The following NRXN1 variants were observed in gnomAD, a reference collection of about 807,000 sequenced individuals.
NRXN1 encodes neurexin-1.
NRXN1 carries 39 observed loss-of-function variants against 150.9 expected under a neutral mutation model. The ratio of observed to expected loss-of-function variants is 0.26; its 90% CI spans 0.20 to 0.34. The LOEUF (loss-of-function observed/expected upper bound fraction) is 0.34. Ranked by LOEUF, NRXN1 falls within the 10% of genes least tolerant of loss-of-function variation. The probability of loss-of-function intolerance (pLI) is 1.00; values close to 1 mark genes in which losing one functional copy is unlikely to be tolerated. For synonymous variants in NRXN1, 924 were observed against 757.0 expected (o/e 1.22, Z -3.62); for missense variants, 1,815 against 1,949.9 (o/e 0.93, Z 1.30).
chr2:50,389,668 C>G (rs769320938), intron 17 of NRXN1, among the ~76,000 whole-genome samples: 4 of 152,164 alleles, frequency 2.6e-5, no homozygotes, highest in Admixed American at 6.6e-5. Context: ...GAAGCATCTT[C>G]GATAATTTTA....
At chr2:49,976,534 G>T (rs1009152260) in intron 21 of NRXN1, among the ~76,000 whole-genome samples, 1 of 152,130 alleles carries the variant, frequency 6.6e-6, no homozygotes, top group Non-Finnish European at 1.5e-5. Flanking sequence ...TGTAGGTTTA[G>T]AAGAGCATGA....
rs1434032040 is a variant in NRXN1 at position 50,306,908 on chromosome 2, T to C, written c.3365-69938A>G. ...AGTTTCCTGTATGATACTAACAATA[T>C]GCATGTCATATATTAAACAATATAT... On this transcript the variant is annotated intron_variant, in intron 17 of 22. Transcript: ENST00000401669. 2.6e-5 allele frequency among the ~76,000 whole-genome samples: 4 copies of C among 152,336 alleles called. No individual in the cohort carries two copies. In the East Asian group the frequency reaches 5.8e-4, roughly 22 times the overall value.
intron 2 of NRXN1, among the ~76,000 whole-genome samples, chr2:51,021,690 TAA>T (rs1669642792): frequency 6.6e-6 from 1 of 152,010 alleles, no homozygotes; most frequent in Admixed American, 6.6e-5. Context: ...CTTTAATGTA[TAA>T]GAGAGTCTCA....
intron 17 of NRXN1, among the ~76,000 whole-genome samples, chr2:50,354,510 T>C (rs886524156): frequency 1.5e-4 from 22 of 148,772 alleles, no homozygotes; most frequent in Admixed American, 1.2e-3. Flanking sequence ...AGAGTATATG[T>C]GTGTGTATCT....
At chr2:51,006,811 T>C (rs554901615) in intron 2 of NRXN1, among the ~76,000 whole-genome samples, 1 of 152,068 alleles carries the variant, frequency 6.6e-6, no homozygotes, top group East Asian at 2.0e-4. Context: ...CTTCTCCCTA[T>C]GTTCCCTTAG....
intron 18 of NRXN1, among the ~76,000 whole-genome samples, chr2:50,226,582 A>G (rs2064401071): frequency 6.6e-6 from 1 of 151,970 alleles, no homozygotes; most frequent in Non-Finnish European, 1.5e-5. Context: ...TGTGTGAGGT[A>G]GAATGTGGAG....
intron 8 of NRXN1, among the ~76,000 whole-genome samples, chr2:50,566,899 C>T (rs1218551243): frequency 6.6e-6 from 1 of 152,030 alleles, no homozygotes; most frequent in African/African-American, 2.4e-5. Flanking sequence ...TCATGCCTTT[C>T]GTGTATAGAA....
intron 19 of NRXN1, among the ~76,000 whole-genome samples, chr2:50,056,550 T>A (rs930964380): frequency 1.3e-5 from 2 of 152,192 alleles, no homozygotes; most frequent in African/African-American, 4.8e-5. Flanking sequence ...AATGTGGGAA[T>A]ATAGTTTTGT....
intron 5 of NRXN1, among the ~76,000 whole-genome samples, chr2:50,811,087 A>G (rs1033303273): frequency 2.2e-4 from 33 of 152,224 alleles, no homozygotes; most frequent in African/African-American, 7.7e-4. Context: ...TTTTACATAT[A>G]TAATGATCAC....
chr2:50,458,052 A>G (rs1165187389), intron 17 of NRXN1, among the ~76,000 whole-genome samples: 2 of 152,170 alleles, frequency 1.3e-5, no homozygotes, highest in African/African-American at 2.4e-5. Flanking sequence ...CTGCAGCACT[A>G]TTCACAATAA....
At chr2:50,824,132 T>G (rs184564419) in intron 5 of NRXN1, among the ~76,000 whole-genome samples, 6 of 151,912 alleles carry the variant, frequency 3.9e-5, no homozygotes, top group Admixed American at 6.6e-5. Context: ...CCAAACTACA[T>G]TTTTTTCACA....
intron 17 of NRXN1, among the ~76,000 whole-genome samples, chr2:50,458,820 T>G (rs1235368052): frequency 6.6e-6 from 1 of 152,082 alleles, no homozygotes; most frequent in Admixed American, 6.6e-5. Flanking sequence ...AATCTTGTGA[T>G]CCATCTGCCT....
chr2:50,817,993 C>G (rs1669169485), intron 5 of NRXN1, among the ~76,000 whole-genome samples: 1 of 151,162 alleles, frequency 6.6e-6, no homozygotes, highest in Non-Finnish European at 1.5e-5. Flanking sequence ...ATTGGAAGTC[C>G]CAGCTAGAGC....
At chr2:50,741,692 C>T (rs888369205) in intron 5 of NRXN1, among the ~76,000 whole-genome samples, 3 of 152,116 alleles carry the variant, frequency 2.0e-5, no homozygotes, top group Non-Finnish European at 4.4e-5. Context: ...CATGATACTT[C>T]TTTTCCTTTC....
At chr2:50,646,591 A>T (rs1684844165) in intron 5 of NRXN1, among the ~76,000 whole-genome samples, 1 of 151,916 alleles carries the variant, frequency 6.6e-6, no homozygotes, top group South Asian at 2.1e-4. Flanking sequence ...AAATCACATT[A>T]ATCTATTTTC....
At position 50,583,210 on chromosome 2, in the gene NRXN1, G is replaced by A. The variant is rs781248482; in HGVS notation, c.1321-30185C>T. Among the ~76,000 whole-genome samples, 44 of 151,922 alleles carry A rather than the reference G, an allele frequency of 2.9e-4. 1 individual carries two copies. The highest frequency in any genetic ancestry group is 6.8e-3 in the Middle Eastern group (2 of 294). On this transcript the variant is annotated intron_variant, in intron 8 of 22. Transcript: ENST00000401669. ...GGACTACAGACACCTGGCTAATTTT[G>A]TTTTTAATTTTAGTAGAGACAAGTT... is the stretch of plus-strand genomic sequence containing the variant.
intron 2 of NRXN1, among the ~76,000 whole-genome samples, chr2:50,982,541 G>C (rs1696999783): frequency 6.6e-6 from 1 of 152,042 alleles, no homozygotes; most frequent in Non-Finnish European, 1.5e-5. Context: ...GTGATTCGTA[G>C]ATAGGGAGTA....
intron 18 of NRXN1, among the ~76,000 whole-genome samples, chr2:50,148,343 T>C (rs1261239105): frequency 2.0e-5 from 3 of 151,586 alleles, no homozygotes; most frequent in African/African-American, 7.3e-5. Flanking sequence ...AATATTAGCT[T>C]CTACTTCATG....
chr2:50,325,500 T>C (rs1286223318), intron 17 of NRXN1, among the ~76,000 whole-genome samples: 1 of 152,234 alleles, frequency 6.6e-6, no homozygotes, highest in Non-Finnish European at 1.5e-5. Context: ...TATCGTAAGA[T>C]GGTAAGCTAG....
Sources: gnomAD v4.1 joint callset for allele counts (sites outside exome capture counted in the v4.1 genomes callset) on GRCh38, gnomAD v4.1.1 for gene constraint, MANE v1.5 for transcripts, NCBI Gene and HGNC (gene_info 2026-07-23, HGNC 2026-07-21) for gene names.